Variants in RBFOX1 observed in about 807,000 individuals in gnomAD.
RBFOX1 encodes RNA binding fox-1 homolog 1, also known as RNA binding protein fox-1 homolog 1.
Under a neutral mutation model 57.7 loss-of-function variants are expected in RBFOX1, and 8 were observed. That is an observed-to-expected ratio of 0.14 (90% CI 0.08 to 0.25). RBFOX1 has a LOEUF of 0.25. Ranked by LOEUF, RBFOX1 falls within the 10% of genes least tolerant of loss-of-function variation. The probability of loss-of-function intolerance (pLI) is 1.00; values close to 1 mark genes in which losing one functional copy is unlikely to be tolerated. For missense variants in RBFOX1, 611 were observed against 548.5 expected (o/e 1.11, Z -1.14); for synonymous variants, 326 against 222.4 (o/e 1.47, Z -4.15).
At chr16:5,847,883 C>T (rs547156421) in intron 3 of RBFOX1, among the ~76,000 whole-genome samples, 58 of 151,586 alleles carry the variant, frequency 3.8e-4, no homozygotes, top group African/African-American at 1.4e-3. Context: ...TTAGCATTGC[C>T]AACAGATTGT....
intron 14 of RBFOX1, among the ~76,000 whole-genome samples, chr16:7,684,526 T>C (rs1314868137): frequency 3.9e-5 from 6 of 152,060 alleles, no homozygotes; most frequent in Admixed American, 2.6e-4. Flanking sequence ...CCCAATCATT[T>C]AGATTGAAAT....
At chr16:7,515,772 T>C (rs1417297855) in intron 4 of RBFOX1, among the ~76,000 whole-genome samples, 1 of 152,152 alleles carries the variant, frequency 6.6e-6, no homozygotes, top group Non-Finnish European at 1.5e-5. Flanking sequence ...TTCCTCAGTT[T>C]CTTCTCTTCA....
intron 1 of RBFOX1, among the ~76,000 whole-genome samples, chr16:6,292,265 A>C (rs541148234): frequency 6.6e-6 from 1 of 152,276 alleles, no homozygotes; most frequent in East Asian, 1.9e-4. Context: ...ATCTCTAAAA[A>C]TAAAATAGAA....
At position 7,020,350 on chromosome 16, in the gene RBFOX1, G is replaced by A. The variant is rs149416527; in HGVS notation, c.-15-31707G>A. ...AAGTGATTCTCCTGCCTCAGCCTAC[G>A]GAGTAGCTGGGATTACAGGCTGCCA... On this transcript the variant is annotated intron_variant, in intron 3 of 15. Transcript: ENST00000550418. 2.4e-3 allele frequency among the ~76,000 whole-genome samples: 372 copies of A among 151,880 alleles called. 5 individuals are homozygous for A. The highest frequency in any genetic ancestry group is 8.2e-3 in the African/African-American group (339 of 41,442).
At chr16:5,451,878 G>A (rs1397282332) in intron 1 of RBFOX1, among the ~76,000 whole-genome samples, 1 of 152,036 alleles carries the variant, frequency 6.6e-6, no homozygotes, top group East Asian at 1.9e-4. Flanking sequence ...AGCTGCCCAC[G>A]ATGTGTTCTG....
chr16:5,462,780 C>A (rs1172699741), intron 1 of RBFOX1, among the ~76,000 whole-genome samples: 2 of 152,056 alleles, frequency 1.3e-5, no homozygotes, highest in African/African-American at 4.8e-5. Context: ...TTCTGGAGTC[C>A]TTTTTGGTTG....
At chr16:7,687,195 A>G (rs1019226668) in intron 14 of RBFOX1, among the ~76,000 whole-genome samples, 1 of 152,098 alleles carries the variant, frequency 6.6e-6, no homozygotes, top group Non-Finnish European at 1.5e-5. Context: ...TACACGTGAC[A>G]ACACTAAACT....
rs753643693 is a variant in RBFOX1, at chr16:7,533,721, T to C, written c.270+15332T>C. On this transcript the variant is annotated intron_variant, in intron 5 of 15. Transcript: ENST00000550418. The stretch of plus-strand genomic sequence containing the variant: ...GGTTGTATGGGCACTCAAAGCATGA[T>C]TTCTACTGAATGTGTATTGTTTCCA... 3.9e-5 allele frequency among the ~76,000 whole-genome samples: 6 copies of C among 152,348 alleles called. No individual in the cohort carries two copies. In the East Asian group the frequency reaches 9.6e-4, roughly 24 times the overall value.
At chr16:6,101,353 G>T (rs997468120) in intron 1 of RBFOX1, among the ~76,000 whole-genome samples, 3 of 152,062 alleles carry the variant, frequency 2.0e-5, no homozygotes. Context: ...TGTACACGAT[G>T]TCCTCATACT....
intron 2 of RBFOX1, among the ~76,000 whole-genome samples, chr16:6,333,724 T>G (rs1420196487): frequency 1.3e-5 from 2 of 152,198 alleles, no homozygotes; most frequent in East Asian, 3.8e-4. Flanking sequence ...TCACAGACAT[T>G]AGGAATTGGC....
chr16:7,628,512 T>C (rs967306854), intron 10 of RBFOX1, among the ~76,000 whole-genome samples: 1 of 152,168 alleles, frequency 6.6e-6, no homozygotes, highest in African/African-American at 2.4e-5. Flanking sequence ...ATCTCCATTC[T>C]TTGGAGTTTG....
At chr16:5,820,863 C>T (rs936949088) in intron 3 of RBFOX1, among the ~76,000 whole-genome samples, 6 of 152,110 alleles carry the variant, frequency 3.9e-5, no homozygotes, top group East Asian at 1.9e-4. Context: ...ATCTCAATTT[C>T]GGGAAGTCTT....
intron 2 of RBFOX1, among the ~76,000 whole-genome samples, chr16:6,569,270 A>G (rs1324147989): frequency 1.3e-5 from 2 of 152,214 alleles, no homozygotes; most frequent in Non-Finnish European, 2.9e-5. Flanking sequence ...TCTCAAAACA[A>G]CAAACATTTC....
chr16:5,431,052 C>G (rs924104092), intron 1 of RBFOX1, among the ~76,000 whole-genome samples: 10 of 152,196 alleles, frequency 6.6e-5, no homozygotes, highest in African/African-American at 2.4e-4. Flanking sequence ...TGGTGACACT[C>G]TTTCTCCGTA....
intron 1 of RBFOX1, among the ~76,000 whole-genome samples, chr16:6,228,227 G>C (rs1226115122): frequency 3.9e-5 from 6 of 152,132 alleles, no homozygotes; most frequent in Admixed American, 3.9e-4. Flanking sequence ...CAGTGCTTAG[G>C]TGGGAGAATC....
chr16:6,271,836 C>T (rs547025290), intron 1 of RBFOX1, among the ~76,000 whole-genome samples: 1 of 152,154 alleles, frequency 6.6e-6, no homozygotes, highest in African/African-American at 2.4e-5. Context: ...ATCTCCAGAT[C>T]AGGAGGTTTT....
intron 3 of RBFOX1, among the ~76,000 whole-genome samples, chr16:7,026,121 G>A (rs1179699264): frequency 1.3e-5 from 2 of 152,148 alleles, no homozygotes; most frequent in Non-Finnish European, 2.9e-5. Context: ...AGGCCAGGGT[G>A]GAAATGGCAG....
intron 3 of RBFOX1, among the ~76,000 whole-genome samples, chr16:7,004,565 C>G (rs948153052): frequency 1.3e-5 from 2 of 152,154 alleles, no homozygotes; most frequent in African/African-American, 4.8e-5. Flanking sequence ...AGCTATGTAT[C>G]TAAGGTTTAT....
chr16:7,676,752 C>A, intron 13 of RBFOX1, 22 bp from the exon 14 acceptor site: 2 of 1,605,526 alleles, frequency 1.2e-6, no homozygotes, highest in Non-Finnish European at 1.7e-6. Flanking sequence ...ATTCCTGAGT[C>A]ACATTTCTCC....
Sources: allele counts gnomAD v4.1 joint callset (sites outside exome capture counted in the v4.1 genomes callset), GRCh38; gene constraint gnomAD v4.1.1; transcripts MANE v1.5; gene names NCBI Gene and HGNC (gene_info 2026-07-23, HGNC 2026-07-21).